Variants in BNC2 observed in about 807,000 individuals in gnomAD.
The protein encoded by BNC2 is basonuclin zinc finger protein 2.
BNC2 carries 20 observed loss-of-function variants against 76.3 expected under a neutral mutation model. The ratio of observed to expected loss-of-function variants is 0.26; its 90% CI spans 0.18 to 0.38. The LOEUF (loss-of-function observed/expected upper bound fraction) is 0.38. Among genes scored for constraint, BNC2 ranks in the 10% least tolerant of loss-of-function variants. BNC2 has a pLI of 1.00. For synonymous variants in BNC2, 582 were observed against 514.8 expected (o/e 1.13, Z -1.77); for missense variants, 1,382 against 1,399.8 (o/e 0.99, Z 0.20).
At chr9:16,520,952 A>G (rs74435695) in intron 5 of BNC2, among the ~76,000 whole-genome samples, 5,453 of 152,304 alleles carry the variant, frequency 0.036, 335 homozygotes, top group African/African-American at 0.12. Flanking sequence ...CTTTCTCCAG[A>G]CATACTAATA....
At chr9:16,523,502 A>AAC (rs59305484) in intron 5 of BNC2, among the ~76,000 whole-genome samples, 1 of 151,508 alleles carries the variant, frequency 6.6e-6, no homozygotes, top group African/African-American at 2.4e-5. Context: ...ACAAAAAAAA[A>AAC]CAATTAATGT....
intron 3 of BNC2, among the ~76,000 whole-genome samples, chr9:16,678,963 A>G (rs1013792958): frequency 6.6e-6 from 1 of 152,214 alleles, no homozygotes; most frequent in Non-Finnish European, 1.5e-5. Context: ...CGCCCAAGAT[A>G]GTTGTTTTTA....
At chr9:16,747,186 A>G (rs1468651992) in intron 1 of BNC2, among the ~76,000 whole-genome samples, 1 of 152,208 alleles carries the variant, frequency 6.6e-6, no homozygotes, top group East Asian at 1.9e-4. Flanking sequence ...CACAGGGTAC[A>G]TAAATAATTA....
chr9:16,800,465 T>TTC (rs1817753209), intron 1 of BNC2, among the ~76,000 whole-genome samples: 1 of 152,112 alleles, frequency 6.6e-6, no homozygotes, highest in Admixed American at 6.6e-5. Flanking sequence ...TGAGGGGATA[T>TTC]TCTTTTCATA....
intron 3 of BNC2, among the ~76,000 whole-genome samples, chr9:16,726,198 T>C (rs903990805): frequency 2.6e-5 from 4 of 152,302 alleles, no homozygotes; most frequent in East Asian, 1.9e-4. Context: ...AGCATCTCTG[T>C]GTGGAAATGA....
chr9:16,584,016 C>T (rs574355223), intron 3 of BNC2, among the ~76,000 whole-genome samples: 75 of 152,260 alleles, frequency 4.9e-4, no homozygotes, highest in Non-Finnish European at 9.9e-4. Context: ...CCTAAGCTCC[C>T]GGACTACAGT....
At chr9:16,697,961 G>A (rs1278111067) in intron 3 of BNC2, among the ~76,000 whole-genome samples, 2 of 152,112 alleles carry the variant, frequency 1.3e-5, no homozygotes, top group Non-Finnish European at 2.9e-5. Flanking sequence ...GCAAACTAGG[G>A]ATAAATTTTC....
chr9:16,754,972 TC>T (rs1441753078), intron 1 of BNC2, among the ~76,000 whole-genome samples: 1 of 152,084 alleles, frequency 6.6e-6, no homozygotes, highest in Non-Finnish European at 1.5e-5. Flanking sequence ...ACAAGATACT[TC>T]CCCCTTCACC....
At chr9:16,692,527 T>C (rs924476004) in intron 3 of BNC2, among the ~76,000 whole-genome samples, 2 of 152,092 alleles carry the variant, frequency 1.3e-5, no homozygotes, top group African/African-American at 2.4e-5. Flanking sequence ...AAGGATTCAG[T>C]AGGTACACAG....
At chr9:16,806,044 C>T (rs944199953) in intron 1 of BNC2, among the ~76,000 whole-genome samples, 3 of 152,146 alleles carry the variant, frequency 2.0e-5, no homozygotes, top group Non-Finnish European at 2.9e-5. Flanking sequence ...TGTGACCAAA[C>T]TGAGGGAAAG....
At chr9:16,545,253 C>T (rs1818443564) in intron 5 of BNC2, among the ~76,000 whole-genome samples, 1 of 152,180 alleles carries the variant, frequency 6.6e-6, no homozygotes, top group African/African-American at 2.4e-5. Context: ...TTTAAGGCTA[C>T]TTTATAGAAA....
intron 4 of BNC2, 56 bp from the exon 5 acceptor site, chr9:16,552,821 G>T: frequency 1.5e-6 from 2 of 1,372,520 alleles, no homozygotes; most frequent in East Asian, 2.3e-5. Flanking sequence ...AAGATAAAGA[G>T]AGAGAACAGG....
intron 6 of BNC2, among the ~76,000 whole-genome samples, chr9:16,427,851 C>A (rs981222965): frequency 6.6e-6 from 1 of 152,180 alleles, no homozygotes; most frequent in Non-Finnish European, 1.5e-5. Flanking sequence ...CCTAATCAAC[C>A]GAGCACCACT....
intron 3 of BNC2, among the ~76,000 whole-genome samples, chr9:16,677,223 A>G (rs7875154): frequency 0.11 from 16,127 of 152,200 alleles, 917 homozygotes; most frequent in South Asian, 0.17. Context: ...GTCAAGAGAT[A>G]GGCTGAAGAA....
At chr9:16,729,106 G>A (rs930302755) in intron 2 of BNC2, among the ~76,000 whole-genome samples, 5 of 151,994 alleles carry the variant, frequency 3.3e-5, no homozygotes, top group Non-Finnish European at 5.9e-5. Context: ...ATAACATGTC[G>A]TATTTTTAAT....
intron 1 of BNC2, among the ~76,000 whole-genome samples, chr9:16,792,268 G>T (rs1379487216): frequency 6.6e-6 from 1 of 152,032 alleles, no homozygotes. Context: ...AAAGCATAAA[G>T]AAGTCAAATA....
intron 3 of BNC2, among the ~76,000 whole-genome samples, chr9:16,706,709 T>C (rs961671452): frequency 6.6e-6 from 1 of 152,160 alleles, no homozygotes; most frequent in Non-Finnish European, 1.5e-5. Context: ...TGAAAAGTCA[T>C]TCTAATCCCT....
intron 1 of BNC2, among the ~76,000 whole-genome samples, chr9:16,780,384 C>T (rs1431783497): frequency 6.6e-6 from 1 of 151,084 alleles, no homozygotes; most frequent in Non-Finnish European, 1.5e-5. Flanking sequence ...CCATCCTGGC[C>T]AACATGGGGA....
intron 4 of BNC2, among the ~76,000 whole-genome samples, chr9:16,582,057 C>G (rs954714360): frequency 2.0e-5 from 3 of 152,056 alleles, no homozygotes; most frequent in African/African-American, 7.2e-5. Flanking sequence ...AATAACATGA[C>G]ATTTATAAAA....
Sources: gnomAD v4.1 joint callset for allele counts (sites outside exome capture counted in the v4.1 genomes callset) on GRCh38, gnomAD v4.1.1 for gene constraint, MANE v1.5 for transcripts, NCBI Gene and HGNC (gene_info 2026-07-23, HGNC 2026-07-21) for gene names.